AFDN: variants seen among roughly 807,000 people sequenced by gnomAD.
The protein encoded by AFDN is afadin.
AFDN carries 68 observed loss-of-function variants against 216.6 expected under a neutral mutation model. The ratio of observed to expected loss-of-function variants is 0.31; its 90% CI spans 0.26 to 0.38. The LOEUF is 0.38. Among genes scored for constraint, AFDN ranks in the 10% least tolerant of loss-of-function variants. The probability of loss-of-function intolerance (pLI) is 1.00; values close to 1 mark genes in which losing one functional copy is unlikely to be tolerated. For synonymous variants in AFDN, 868 were observed against 853.7 expected, an observed-to-expected ratio of 1.02 and a Z score of -0.29; for missense variants, 2,136 against 2,342.0, an observed-to-expected ratio of 0.91 and a Z score of 1.82.
intron 23 of AFDN, among the ~76,000 whole-genome samples, chr6:167,927,090 A>T (rs1413283675): frequency 6.6e-6 from 1 of 152,192 alleles, no homozygotes; most frequent in African/African-American, 2.4e-5. Flanking sequence ...AGTCATAACA[A>T]CACAAATGCC....
At chr6:167,919,242 T>C (rs1315456883) in intron 21 of AFDN, among the ~76,000 whole-genome samples, 1 of 152,272 alleles carries the variant, frequency 6.6e-6, no homozygotes, top group Non-Finnish European at 1.5e-5. Context: ...CTTCTTGGTA[T>C]TTTATGAGCG....
intron 30 of AFDN, among the ~76,000 whole-genome samples, chr6:167,958,647 C>T (rs1361640064): frequency 2.0e-5 from 3 of 152,256 alleles, no homozygotes; most frequent in Non-Finnish European, 2.9e-5. Context: ...GGTTCTGCTG[C>T]TTTCCTTACA....
At chr6:167,918,295 C>G (rs1165448574) in intron 20 of AFDN, among the ~76,000 whole-genome samples, 1 of 152,082 alleles carries the variant, frequency 6.6e-6, no homozygotes, top group Non-Finnish European at 1.5e-5. Flanking sequence ...GGCAAAAATA[C>G]TGGGTAGATA....
At chr6:167,946,669 T>A in intron 26 of AFDN, 38 bp from the exon 27 acceptor site, 1 of 1,575,900 alleles carries the variant, frequency 6.3e-7, no homozygotes, top group Non-Finnish European at 8.7e-7. Context: ...GTGTTGAAAA[T>A]AAAATCTTAA....
chr6:167,920,209 G>A (rs563504557), intron 21 of AFDN, among the ~76,000 whole-genome samples: 29 of 152,232 alleles, frequency 1.9e-4, no homozygotes, highest in African/African-American at 7.0e-4. Flanking sequence ...AGAGCCTTCA[G>A]TCTTGGTAGA....
chr6:167,898,265 A>G lies in AFDN; in HGVS notation c.1378A>G (p.Thr460Ala), dbSNP rs1788524298. 1.2e-6 allele frequency: 2 copies of G among 1,614,050 alleles called. No individual in the cohort carries two copies. Among genetic ancestry groups the G allele is most frequent in the South Asian group, 2.2e-5 (2 of 91,082 alleles). The change falls in exon 11 of 34, where the codon ACT (threonine) becomes GCT (alanine). Residue 460 changes from threonine to alanine, a missense_variant. Physicochemically the swap from Thr to Ala is moderately conservative, Grantham distance 58. Coordinates refer to ENST00000683244, the MANE Select transcript of AFDN (RefSeq NM_001386888.1). ...CDLTNMDGVV[T>A]VTPRSMDAET... ...CCTTACCAACATGGATGGAGTGGTC[A>G]CTGTGACGCCCAGAAGTATGGACGC...
chr6:167,867,486 G>C lies in AFDN; in HGVS notation c.301+2740G>C, dbSNP rs555342668. On this transcript the variant is annotated intron_variant, in intron 2 of 33. Coordinates refer to ENST00000683244, the MANE Select transcript of AFDN (RefSeq NM_001386888.1). ...ATTCTGTCGCCCAGGCTGGAGTGCA[G>C]CGGCATGATCTTGGCTCACGGCAAC... 9.4e-5 allele frequency among the ~76,000 whole-genome samples: 14 copies of C among 148,622 alleles called. No homozygotes were observed. In the South Asian group the frequency reaches 3.0e-3, roughly 31 times the overall value.
At chr6:167,840,865 C>T (rs1780993892) in intron 1 of AFDN, among the ~76,000 whole-genome samples, 1 of 152,172 alleles carries the variant, frequency 6.6e-6, no homozygotes. Context: ...GCAGCCGAGT[C>T]TGTGGAGTGA....
intron 23 of AFDN, among the ~76,000 whole-genome samples, chr6:167,928,128 A>G (rs569958246): frequency 1.1e-4 from 17 of 152,336 alleles, no homozygotes; most frequent in African/African-American, 3.4e-4. Context: ...TGTTTCCTAT[A>G]GATTCAAGTC....
chr6:167,919,706 T>C (rs1791540438), intron 21 of AFDN, among the ~76,000 whole-genome samples: 1 of 152,284 alleles, frequency 6.6e-6, no homozygotes, highest in Non-Finnish European at 1.5e-5. Flanking sequence ...TCTTGTGATC[T>C]GTACTGATCA....
rs376263310 is a variant in AFDN, at chr6:167,946,917, T to G, written c.3553+16T>G. The G allele has an allele frequency of 1.2e-6, 2 of 1,600,558 alleles. No individual in the cohort carries two copies. The highest frequency in any genetic ancestry group is 1.7e-4 in the Middle Eastern group (1 of 6,014). On this transcript the variant is annotated intron_variant, in intron 27 of 33. Transcript: ENST00000683244. ...AACGTAGCAAGTAAGAGTGACACTT[T>G]TTTGCTTCCTAAGTACACTTGTGAT...
intron 1 of AFDN, among the ~76,000 whole-genome samples, chr6:167,839,633 A>G (rs1780828948): frequency 1.3e-5 from 2 of 152,108 alleles, no homozygotes; most frequent in Admixed American, 6.5e-5. Flanking sequence ...GTTGACTCCT[A>G]GCCCTCCCAC....
Position 167,922,979 on chromosome 6 carries a change from C to A in AFDN, c.3012+20C>A. On this transcript the variant is annotated intron_variant, in intron 22 of 33. Transcript: ENST00000683244. ...GAGCTGGCAAGTATTTTGAGGGTAC[C>A]ATGAAGTGAAATGGATCCTTAGGAC... 2 of 1,533,760 alleles carry A rather than the reference C, an allele frequency of 1.3e-6. No homozygotes were observed. Among genetic ancestry groups the A allele is most frequent in the Non-Finnish European group, 1.8e-6 (2 of 1,109,278 alleles).
intron 30 of AFDN, among the ~76,000 whole-genome samples, chr6:167,960,651 GCTGTTT>G (rs1441260990): frequency 3.9e-5 from 6 of 151,994 alleles, no homozygotes; most frequent in African/African-American, 1.5e-4. Flanking sequence ...TTTGTTTGGC[GCTGTTT>G]CTCCTAGTTC....
Position 167,962,509 on chromosome 6 carries a change from A to C in AFDN, c.4910A>C (p.Gln1637Pro). 6.2e-7 allele frequency: 1 copy of C among 1,613,880 alleles called. No individual in the cohort carries two copies. Among genetic ancestry groups the C allele is most frequent in the Non-Finnish European group, 8.5e-7 (1 of 1,179,766 alleles). Reference protein sequence around the residue: ...RKREAEDRARQEEERRRQEEE... With the variant: ...RKREAEDRARPEEERRRQEEE... ...CGGGAAGCGGAAGACCGAGCGAGGC[A>C]AGAGGAAGAGCGCCGGCGGCAGGAG... is the stretch of plus-strand genomic sequence containing the variant. Residue 1637 changes from glutamine (Q) to proline (P), a missense_variant, in exon 31 of 34, where the codon CAA becomes CCA. Gln to Pro is a moderately conservative substitution (Grantham distance 76, BLOSUM62 -1). Coordinates refer to ENST00000683244, the MANE Select transcript of AFDN (RefSeq NM_001386888.1). The surrounding 1 kb of genome is among the most constrained non-coding windows in gnomAD (Gnocchi z 5.2).
chr6:167,968,347 G>A (rs9346635), intron 32 of AFDN: 45,273 of 152,044 alleles, frequency 0.3, 7,512 homozygotes, highest in East Asian at 0.6. Context: ...GCAGAGAGGC[G>A]CCTTCAAAAG....
intron 1 of AFDN, among the ~76,000 whole-genome samples, chr6:167,859,422 C>T (rs143671984): frequency 0.012 from 1,882 of 152,262 alleles, 47 homozygotes; most frequent in African/African-American, 0.043. Flanking sequence ...GCATGTGTAA[C>T]AAAGTGGACA....
intron 30 of AFDN, among the ~76,000 whole-genome samples, chr6:167,952,939 A>G (rs1288119457): frequency 6.6e-6 from 1 of 152,262 alleles, no homozygotes; most frequent in East Asian, 1.9e-4. Flanking sequence ...TAAATAAACT[A>G]ACAAAAGTAT....
chr6:167,962,639 C>T lies in AFDN; in HGVS notation c.4968+72C>T, dbSNP rs752152803. ...ACGTAATCGATTGGCTGGGGCAGAG[C>T]GGGCTGGAAGTTCTGTGTTTCTTAA... On this transcript the variant is annotated intron_variant, in intron 31 of 33. Coordinates refer to ENST00000683244, the MANE Select transcript of AFDN (RefSeq NM_001386888.1). The surrounding 1 kb of genome is among the most constrained non-coding windows in gnomAD (Gnocchi z 5.2). 55 of 1,602,508 alleles carry T rather than the reference C, an allele frequency of 3.4e-5. No individual in the cohort carries two copies. Among genetic ancestry groups the T allele is most frequent in the Non-Finnish European group, 4.2e-5 (49 of 1,171,400 alleles).
Sources: gnomAD v4.1 joint callset for allele counts (sites outside exome capture counted in the v4.1 genomes callset) on GRCh38, gnomAD v4.1.1 for gene constraint, Gnocchi (gnomAD v3.1) non-coding constraint, MANE v1.5 for transcripts, NCBI Gene and HGNC (gene_info 2026-07-23, HGNC 2026-07-21) for gene names.